NKAIN2: variants seen among roughly 807,000 people sequenced by gnomAD.
NKAIN2 encodes the protein sodium/potassium transporting ATPase interacting 2, also known as sodium/potassium-transporting ATPase subunit beta-1-interacting protein 2.
Under a neutral mutation model 32.6 loss-of-function variants are expected in NKAIN2, and 14 were observed. The observed-to-expected ratio is 0.43, with a 90% CI of 0.28 to 0.67. NKAIN2 has a LOEUF of 0.67. NKAIN2 is among the 30% of genes least tolerant of loss of function. NKAIN2 has a pLI of 0.17. For synonymous variants in NKAIN2, 80 were observed against 87.2 expected (o/e 0.92, Z 0.46); for missense variants, 198 against 258.3 (o/e 0.77, Z 1.60).
intron 3 of NKAIN2, among the ~76,000 whole-genome samples, chr6:124,480,165 A>G (rs776436732): frequency 3.9e-5 from 6 of 152,230 alleles, no homozygotes; most frequent in Non-Finnish European, 8.8e-5. Flanking sequence ...AATTGAGTTT[A>G]AGTGAGGTAA....
intron 1 of NKAIN2, among the ~76,000 whole-genome samples, chr6:124,035,558 A>G (rs1446250966): frequency 6.6e-6 from 1 of 152,020 alleles, no homozygotes; most frequent in South Asian, 2.1e-4. Context: ...CTTGCTTGCT[A>G]TGAGTTTCTG....
intron 4 of NKAIN2, among the ~76,000 whole-genome samples, chr6:124,667,373 C>T (rs1321628164): frequency 6.6e-6 from 1 of 151,864 alleles, no homozygotes; most frequent in Non-Finnish European, 1.5e-5. Flanking sequence ...AATGTATGAT[C>T]CCATTTTTAT....
intron 1 of NKAIN2, among the ~76,000 whole-genome samples, chr6:124,266,697 A>G (rs1794508188): frequency 6.6e-6 from 1 of 152,224 alleles, no homozygotes; most frequent in South Asian, 2.1e-4. Context: ...ATTCATACAG[A>G]CCTACATTAC....
chr6:124,412,210 A>C (rs575104261), intron 3 of NKAIN2, among the ~76,000 whole-genome samples: 1 of 152,078 alleles, frequency 6.6e-6, no homozygotes, highest in East Asian at 1.9e-4. Context: ...GCTTTGTTCC[A>C]TTGCTGGTGA....
intron 3 of NKAIN2, among the ~76,000 whole-genome samples, chr6:124,478,393 G>A (rs1160607568): frequency 6.6e-6 from 1 of 152,144 alleles, no homozygotes; most frequent in Non-Finnish European, 1.5e-5. Context: ...AGGGCTCCTT[G>A]GAGAAATGGC....
intron 3 of NKAIN2, among the ~76,000 whole-genome samples, chr6:124,542,679 A>G (rs1200482026): frequency 6.6e-6 from 1 of 152,216 alleles, no homozygotes; most frequent in African/African-American, 2.4e-5. Flanking sequence ...TGCTAAAGGC[A>G]GGAGATGAGA....
rs560040793 is a variant in NKAIN2 at position 123,865,642 on chromosome 6, C to G, written c.54+61388C>G. The stretch of plus-strand genomic sequence containing the variant: ...CAGCCTGCTTTTAAAAATAACATAT[C>G]AATATTCTTGGAAATAAACTTCAGA... On this transcript the variant is annotated intron_variant, in intron 1 of 6. Transcript: ENST00000368417. Among the ~76,000 whole-genome samples the G allele has an allele frequency of 3.3e-5, 5 of 152,166 alleles. No homozygotes were observed. In the East Asian group the frequency reaches 9.7e-4, roughly 30 times the overall value.
At chr6:124,814,266 C>A (rs1781045375) in intron 5 of NKAIN2, among the ~76,000 whole-genome samples, 1 of 152,112 alleles carries the variant, frequency 6.6e-6, no homozygotes, top group Admixed American at 6.5e-5. Flanking sequence ...CAAACAATTT[C>A]TGAGAAGAAG....
chr6:124,093,689 C>T (rs1381115882), intron 1 of NKAIN2, among the ~76,000 whole-genome samples: 2 of 151,974 alleles, frequency 1.3e-5, no homozygotes, highest in Non-Finnish European at 2.9e-5. Flanking sequence ...GCAACATTTA[C>T]GACAGGAAAA....
intron 1 of NKAIN2, among the ~76,000 whole-genome samples, chr6:123,942,396 T>C (rs144629738): frequency 3.5e-4 from 53 of 152,162 alleles, no homozygotes; most frequent in African/African-American, 1.2e-3. Flanking sequence ...AAGAGCATGA[T>C]AAAATTAAAA....
At chr6:124,115,350 G>C (rs1785560379) in intron 1 of NKAIN2, among the ~76,000 whole-genome samples, 1 of 152,028 alleles carries the variant, frequency 6.6e-6, no homozygotes, top group Non-Finnish European at 1.5e-5. Context: ...ACAAGCATAG[G>C]TCAGCCACAC....
At chr6:124,297,522 G>GC in intron 2 of NKAIN2, among the ~76,000 whole-genome samples, 1 of 152,070 alleles carries the variant, frequency 6.6e-6, no homozygotes, top group South Asian at 2.1e-4. Flanking sequence ...TGGCCCCCCT[G>GC]CCCCGTGTGG....
chr6:124,200,436 T>C (rs1357822219), intron 1 of NKAIN2, among the ~76,000 whole-genome samples: 1 of 152,052 alleles, frequency 6.6e-6, no homozygotes, highest in Non-Finnish European at 1.5e-5. Flanking sequence ...TCCTTCAGAG[T>C]AAAGCCTCTG....
At chr6:124,551,287 C>T (rs1312286884) in intron 3 of NKAIN2, among the ~76,000 whole-genome samples, 1 of 152,166 alleles carries the variant, frequency 6.6e-6, no homozygotes, top group East Asian at 1.9e-4. Context: ...TTTATGGTTT[C>T]AAATTCATTT....
chr6:124,727,820 G>T (rs1236279596), intron 4 of NKAIN2, among the ~76,000 whole-genome samples: 1 of 150,438 alleles, frequency 6.6e-6, no homozygotes, highest in South Asian at 2.2e-4. Flanking sequence ...CCCATCTCAT[G>T]TGCAGAGACA....
intron 6 of NKAIN2, 91 bp downstream of exon 6, chr6:124,818,559 T>G (rs1781269953): frequency 3.7e-6 from 2 of 546,736 alleles, no homozygotes; most frequent in South Asian, 6.4e-5. Context: ...ATGCAGCTTT[T>G]GTTCAGTTAT....
At chr6:124,092,382 T>G (rs1351383537) in intron 1 of NKAIN2, among the ~76,000 whole-genome samples, 1 of 152,094 alleles carries the variant, frequency 6.6e-6, no homozygotes, top group Admixed American at 6.6e-5. Context: ...GTTTAGAAAA[T>G]ATATAAGGAA....
chr6:124,582,092 G>C (rs1251754494), intron 3 of NKAIN2, among the ~76,000 whole-genome samples: 1 of 148,824 alleles, frequency 6.7e-6, no homozygotes, highest in East Asian at 1.9e-4. Context: ...TTTTTTTTTT[G>C]CGACGATAAA....
chr6:124,397,996 G>A (rs1374437916), intron 3 of NKAIN2, among the ~76,000 whole-genome samples: 1 of 152,022 alleles, frequency 6.6e-6, no homozygotes, highest in Non-Finnish European at 1.5e-5. Context: ...GCTCACACCT[G>A]TAATCCCAGC....
Sources: gnomAD v4.1 joint callset for allele counts (sites outside exome capture counted in the v4.1 genomes callset) on GRCh38, gnomAD v4.1.1 for gene constraint, MANE v1.5 for transcripts, NCBI Gene and HGNC (gene_info 2026-07-23, HGNC 2026-07-21) for gene names.